The following NR2C1 variants were observed in gnomAD, a reference collection of about 807,000 sequenced individuals.
The protein encoded by NR2C1 is nuclear receptor subfamily 2 group C member 1.
Under a neutral mutation model 74.8 loss-of-function variants are expected in NR2C1, and 33 were observed. The observed-to-expected ratio is 0.44, with a 90% CI of 0.33 to 0.59. NR2C1 has a LOEUF of 0.59. NR2C1 is among the 20% of genes least tolerant of loss of function. The pLI is 0.02. For missense variants in NR2C1, 568 were observed against 715.6 expected, an observed-to-expected ratio of 0.79 and a Z score of 2.35; for synonymous variants, 225 against 240.6, an observed-to-expected ratio of 0.94 and a Z score of 0.60.
chr12:95,067,270 G>A, intron 2 of NR2C1, 61 bp downstream of exon 2: 2 of 1,275,512 alleles, frequency 1.6e-6, no homozygotes, highest in East Asian at 2.3e-5. Context: ...CCTGGTATAT[G>A]CATTTAGTAG....
In NR2C1 at chr12:95,067,435, ACT is replaced by A. The variant is rs542728571; in HGVS notation, c.-7-46_-7-45del. The A allele has an allele frequency of 1.2e-4, 150 of 1,297,170 alleles. 1 individual carries two copies. The African/African-American group carries it at 2.0e-3, about 17-fold the overall frequency. The allele number at this position is 1,297,170 out of a possible 1,614,324, so 80.4% of individuals were successfully genotyped here. On this transcript the variant is annotated intron_variant, in intron 1 of 13. Coordinates refer to ENST00000333003, the MANE Select transcript of NR2C1 (RefSeq NM_003297.4). ...TGTTTTATAATTAAACTCACAAAAC[ACT>A]CTTATTAAATAATTTACAAATAAAA...
chr12:95,058,660 C>A (rs1481891178), intron 4 of NR2C1, among the ~76,000 whole-genome samples, 171 bp from the exon 5 acceptor site: 1 of 152,160 alleles, frequency 6.6e-6, no homozygotes, highest in Non-Finnish European at 1.5e-5. Flanking sequence ...TTTTTAGAGA[C>A]GGGATCTCGC....
chr12:95,055,510 G>A (rs1873697113), intron 7 of NR2C1, among the ~76,000 whole-genome samples: 1 of 152,176 alleles, frequency 6.6e-6, no homozygotes, highest in African/African-American at 2.4e-5. Context: ...GCACTAAGAG[G>A]TCAAATAACT....
intron 9 of NR2C1, among the ~76,000 whole-genome samples, chr12:95,043,591 A>G (rs1393084586): frequency 6.6e-6 from 1 of 150,480 alleles, no homozygotes; most frequent in African/African-American, 2.4e-5. Flanking sequence ...CGGGAGGCTG[A>G]GGTGCCAAGA....
intron 10 of NR2C1, among the ~76,000 whole-genome samples, chr12:95,031,892 G>A (rs1870158885): frequency 6.6e-6 from 1 of 152,200 alleles, no homozygotes; most frequent in Non-Finnish European, 1.5e-5. Flanking sequence ...TTTTGAGACA[G>A]AGTCTTGCTC....
chr12:95,060,061 A>C, intron 3 of NR2C1, 77 bp from the exon 4 acceptor site: 3 of 1,170,328 alleles, frequency 2.6e-6, no homozygotes, highest in Non-Finnish European at 2.4e-6. Context: ...CTATTAAAAA[A>C]ATTAAAGAAC....
intron 2 of NR2C1, among the ~76,000 whole-genome samples, chr12:95,066,118 A>G (rs1875652470): frequency 6.6e-6 from 1 of 152,208 alleles, no homozygotes; most frequent in Non-Finnish European, 1.5e-5. Context: ...GCTTTGTTTT[A>G]CATTTCTACA....
chr12:95,070,294 G>A lies in NR2C1; in HGVS notation c.-7-2903C>T, dbSNP rs139153325. Among the ~76,000 whole-genome samples the A allele has an allele frequency of 5.3e-3, 812 of 152,022 alleles. 10 individuals are homozygous for A. Among genetic ancestry groups the A allele is most frequent in the African/African-American group, 0.019 (773 of 41,438 alleles). Reference sequence around the variant, plus strand: ...TTACAGGCATGCACCACCATGCCCAGGTACTTTTTGTATTTTTAGTAGAGA... The same window carrying A: ...TTACAGGCATGCACCACCATGCCCAAGTACTTTTTGTATTTTTAGTAGAGA... On this transcript the variant is annotated intron_variant, in intron 1 of 13. Transcript: ENST00000333003.
rs1250300612 is a variant in NR2C1, at chr12:95,049,179, C to G, written c.1020G>C (p.Gln340His). Residue 340 changes from glutamine to histidine, a missense_variant, in exon 9 of 14, where the codon CAG (glutamine) becomes CAC (histidine). Coordinates refer to ENST00000333003, the MANE Select transcript of NR2C1 (RefSeq NM_003297.4). Reference sequence around the variant, plus strand: ...TTCCTTCCATGCCCGCTACTGAGCTCTGGCAGGCTGTGCTCTCTCCAGGAT... The same window carrying G: ...TTCCTTCCATGCCCGCTACTGAGCTGTGGCAGGCTGTGCTCTCTCCAGGAT... ...ALNPGESTAC[Q>H]SSVAGMEGSV... 2 of 1,614,160 alleles carry G rather than the reference C, an allele frequency of 1.2e-6. No individual in the cohort carries two copies. Among genetic ancestry groups the G allele is most frequent in the Admixed American group, 3.3e-5 (2 of 60,018 alleles).
chr12:95,046,381 T>C (rs1163149064), intron 9 of NR2C1, among the ~76,000 whole-genome samples: 1 of 151,804 alleles, frequency 6.6e-6, no homozygotes, highest in Non-Finnish European at 1.5e-5. Context: ...AGGCCAGGAG[T>C]ATAAGATAAG....
At chr12:95,037,554 T>C (rs908584468) in intron 10 of NR2C1, among the ~76,000 whole-genome samples, 1 of 152,196 alleles carries the variant, frequency 6.6e-6, no homozygotes, top group Non-Finnish European at 1.5e-5. Flanking sequence ...TATCTGTTTC[T>C]CTCTGTAAAA....
At chr12:95,032,846 T>C (rs111918894) in intron 10 of NR2C1, among the ~76,000 whole-genome samples, 14 of 152,240 alleles carry the variant, frequency 9.2e-5, no homozygotes, top group African/African-American at 3.1e-4. Flanking sequence ...TGCACACCTA[T>C]AGTCTCAGCT....
At chr12:95,058,644 A>G (rs1169874561) in intron 4 of NR2C1, among the ~76,000 whole-genome samples, 155 bp from the exon 5 acceptor site, 2 of 152,198 alleles carry the variant, frequency 1.3e-5, no homozygotes, top group African/African-American at 2.4e-5. Context: ...TTTATTTATC[A>G]TAACTTTTTT....
At chr12:95,038,323 C>G (rs1384067943) in intron 10 of NR2C1, among the ~76,000 whole-genome samples, 1 of 152,198 alleles carries the variant, frequency 6.6e-6, no homozygotes, top group African/African-American at 2.4e-5. Context: ...TCAAGGAGTT[C>G]AAACCACTCC....
At chr12:95,043,404 T>C (rs952818806) in intron 9 of NR2C1, among the ~76,000 whole-genome samples, 1 of 152,052 alleles carries the variant, frequency 6.6e-6, no homozygotes, top group African/African-American at 2.4e-5. Flanking sequence ...AAGTCCTTTG[T>C]AAGGCTAGGC....
intron 2 of NR2C1, among the ~76,000 whole-genome samples, chr12:95,063,348 G>C (rs1258723932): frequency 6.6e-6 from 1 of 152,156 alleles, no homozygotes; most frequent in African/African-American, 2.4e-5. Context: ...TTTGACACAT[G>C]TGAGGCACAA....
chr12:95,030,224 C>T (rs554951515), intron 11 of NR2C1, among the ~76,000 whole-genome samples: 3 of 152,104 alleles, frequency 2.0e-5, no homozygotes, highest in Admixed American at 6.5e-5. Flanking sequence ...GTAAAGATAA[C>T]CATCTGAAAC....
chr12:95,043,054 G>A (rs1032339498), intron 9 of NR2C1, among the ~76,000 whole-genome samples: 1 of 151,594 alleles, frequency 6.6e-6, no homozygotes, highest in African/African-American at 2.4e-5. Context: ...CTTGAACCTA[G>A]GAATTTTGAG....
chr12:95,038,065 GT>G (rs1393880767), intron 10 of NR2C1, among the ~76,000 whole-genome samples: 1 of 152,014 alleles, frequency 6.6e-6, no homozygotes, highest in Admixed American at 6.6e-5. Flanking sequence ...AAAAATAAGA[GT>G]TTACATAATG....
Sources: allele counts gnomAD v4.1 joint callset (sites outside exome capture counted in the v4.1 genomes callset), GRCh38; gene constraint gnomAD v4.1.1; transcripts MANE v1.5; gene names NCBI Gene and HGNC (gene_info 2026-07-23, HGNC 2026-07-21).